NEO1: variants seen among roughly 807,000 people sequenced by gnomAD.
The protein encoded by NEO1 is neogenin 1.
A neutral mutation model predicts 159.7 loss-of-function variants in NEO1; 63 were observed. The ratio of observed to expected loss-of-function variants is 0.39; its 90% confidence interval spans 0.32 to 0.49. The LOEUF (loss-of-function observed/expected upper bound fraction) is 0.49, where lower values mean the gene tolerates loss of function less well. Ranked by LOEUF, NEO1 falls within the 20% of genes least tolerant of loss-of-function variation. The pLI is 0.85. For synonymous variants in NEO1, 633 were observed against 662.0 expected (o/e 0.96, Z 0.67); for missense variants, 1,615 against 1,831.0 (o/e 0.88, Z 2.15).
intron 5 of NEO1, among the ~76,000 whole-genome samples, chr15:73,170,194 A>G (rs899649424): frequency 3.3e-5 from 5 of 152,302 alleles, no homozygotes; most frequent in African/African-American, 1.2e-4. Flanking sequence ...TACTCTAAGG[A>G]CACAACTGCA....
chr15:73,271,802 T>C (rs1596545839), intron 18 of NEO1, among the ~76,000 whole-genome samples: 1 of 150,062 alleles, frequency 6.7e-6, no homozygotes, highest in African/African-American at 2.5e-5. Context: ...AGCTACTCGG[T>C]AGGCTAAGGC....
intron 1 of NEO1, among the ~76,000 whole-genome samples, chr15:73,085,663 C>G (rs972128408): frequency 1.3e-5 from 2 of 152,046 alleles, no homozygotes; most frequent in Non-Finnish European, 2.9e-5. Flanking sequence ...TTGTTTTAGC[C>G]ATTCTATTAG....
At chr15:73,253,922 G>C (rs2040209840) in intron 12 of NEO1, among the ~76,000 whole-genome samples, 1 of 152,164 alleles carries the variant, frequency 6.6e-6, no homozygotes. Flanking sequence ...TCCTCAAACT[G>C]TCCTTCCTAT....
chr15:73,227,964 T>C (rs1284325911), intron 7 of NEO1, among the ~76,000 whole-genome samples: 1 of 152,244 alleles, frequency 6.6e-6, no homozygotes, highest in Admixed American at 6.5e-5. Flanking sequence ...GTGAACTTTA[T>C]GGTATGTAAA....
At chr15:73,244,227 GT>G in intron 8 of NEO1, 116 bp from the exon 9 acceptor site, 1 of 1,192,560 alleles carries the variant, frequency 8.4e-7, no homozygotes, top group Non-Finnish European at 1.1e-6. Context: ...AAGCTTCATT[GT>G]TTGAGAGCTA....
intron 5 of NEO1, among the ~76,000 whole-genome samples, chr15:73,158,569 T>C (rs1347409994): frequency 6.6e-5 from 10 of 152,046 alleles, no homozygotes; most frequent in Admixed American, 6.6e-4. Context: ...TGTATTTTTT[T>C]GTAGAGATGG....
intron 7 of NEO1, among the ~76,000 whole-genome samples, chr15:73,212,391 A>G (rs1232486598): frequency 2.6e-5 from 4 of 152,138 alleles, no homozygotes; most frequent in African/African-American, 9.7e-5. Flanking sequence ...CTTTTCTTCT[A>G]TCCACCTTCT....
chr15:73,264,103 C>A (rs1428291625), intron 15 of NEO1, among the ~76,000 whole-genome samples: 1 of 152,028 alleles, frequency 6.6e-6, no homozygotes. Flanking sequence ...AGGAGGATCG[C>A]TTGATCCCTA....
intron 1 of NEO1, among the ~76,000 whole-genome samples, chr15:73,068,598 G>A (rs1164966686): frequency 2.0e-5 from 3 of 152,130 alleles, no homozygotes; most frequent in Middle Eastern, 3.4e-3. Flanking sequence ...TCATGGGTCC[G>A]TCCACATATG....
chr15:73,286,689 C>G lies in NEO1; in HGVS notation c.3411-1624C>G, dbSNP rs75776712. Reference sequence around the variant, plus strand: ...GAGCAGAATTCATCATCTTTTCAGGCAAACCCGCTTCTGCTCCTTTATTCC... The same window carrying G: ...GAGCAGAATTCATCATCTTTTCAGGGAAACCCGCTTCTGCTCCTTTATTCC... On this transcript the variant is annotated intron_variant, in intron 23 of 28. Coordinates refer to ENST00000261908, the MANE Select transcript of NEO1 (RefSeq NM_002499.4). Among the ~76,000 whole-genome samples, 931 of 152,326 alleles carry G rather than the reference C, an allele frequency of 6.1e-3. 13 individuals carry two copies. Among genetic ancestry groups the G allele is most frequent in the African/African-American group, 0.021 (885 of 41,572 alleles).
intron 7 of NEO1, among the ~76,000 whole-genome samples, chr15:73,219,032 T>C (rs2038072236): frequency 6.6e-6 from 1 of 151,266 alleles, no homozygotes; most frequent in African/African-American, 2.4e-5. Context: ...CAATTTTGGA[T>C]CTTTCCTGCT....
intron 1 of NEO1, among the ~76,000 whole-genome samples, chr15:73,054,023 T>G (rs2067586975): frequency 1.3e-5 from 2 of 152,238 alleles, no homozygotes; most frequent in African/African-American, 4.8e-5. Flanking sequence ...CTCGGTATTC[T>G]CTAAACAGCT....
At chr15:73,127,513 A>G (rs935097344) in intron 4 of NEO1, among the ~76,000 whole-genome samples, 1 of 152,186 alleles carries the variant, frequency 6.6e-6, no homozygotes, top group African/African-American at 2.4e-5. Context: ...AGGTGGCAGT[A>G]GCACTTCCGC....
intron 1 of NEO1, among the ~76,000 whole-genome samples, chr15:73,090,716 T>G (rs907601206): frequency 6.6e-6 from 1 of 152,228 alleles, no homozygotes; most frequent in Non-Finnish European, 1.5e-5. Context: ...AAATTATCAC[T>G]ATCATTCCAC....
At chr15:73,149,710 AT>A (rs2033220127) in intron 5 of NEO1, among the ~76,000 whole-genome samples, 2 of 152,244 alleles carry the variant, frequency 1.3e-5, no homozygotes, top group South Asian at 4.1e-4. Context: ...CATTTTTAAA[AT>A]ATTTAAGAAA....
chr15:73,293,133 A>G (rs2042219529), intron 25 of NEO1, among the ~76,000 whole-genome samples: 1 of 152,244 alleles, frequency 6.6e-6, no homozygotes, highest in Non-Finnish European at 1.5e-5. Flanking sequence ...CTGCAAGATA[A>G]TAACTGTTAA....
intron 16 of NEO1, 139 bp from the exon 17 acceptor site, chr15:73,269,871 T>G: frequency 4.2e-6 from 3 of 709,770 alleles, no homozygotes; most frequent in Non-Finnish European, 7.3e-6. Flanking sequence ...TGAATGGTGG[T>G]TATCTATTAA....
intron 21 of NEO1, among the ~76,000 whole-genome samples, chr15:73,277,923 T>G (rs181872712): frequency 5.9e-5 from 9 of 152,340 alleles, no homozygotes; most frequent in African/African-American, 2.2e-4. Context: ...GTGTCAGTCT[T>G]TCAGATGCCT....
At chr15:73,224,713 A>G (rs937741653) in intron 7 of NEO1, among the ~76,000 whole-genome samples, 3 of 151,982 alleles carry the variant, frequency 2.0e-5, no homozygotes, top group Non-Finnish European at 4.4e-5. Context: ...CACTTCTTGT[A>G]TCATTTTTTG....
Sources: allele counts gnomAD v4.1 joint callset (sites outside exome capture counted in the v4.1 genomes callset), GRCh38; gene constraint gnomAD v4.1.1; transcripts MANE v1.5; gene names NCBI Gene and HGNC (gene_info 2026-07-23, HGNC 2026-07-21).